The following LONP2 variants were observed in gnomAD, a reference collection of about 807,000 sequenced individuals.
LONP2 encodes the protein lon peptidase 2, peroxisomal, also known as lon protease homolog 2, peroxisomal.
In LONP2, 60 loss-of-function variants were observed where a neutral mutation model predicts 85.6. The observed-to-expected ratio is 0.70, with a 90% CI of 0.57 to 0.87. The LOEUF (loss-of-function observed/expected upper bound fraction) is 0.87, where lower values mean the gene tolerates loss of function less well. Among genes scored for constraint, LONP2 ranks in the 40% least tolerant of loss-of-function variants. The pLI, the probability that LONP2 is intolerant of heterozygous loss-of-function variation, is 0.00. For synonymous variants in LONP2, 395 were observed against 389.7 expected, an observed-to-expected ratio of 1.01 and a Z score of -0.16; for missense variants, 860 against 1,063.5, an observed-to-expected ratio of 0.81 and a Z score of 2.66.
chr16:48,251,702 A>G (rs985018051), intron 1 of LONP2, among the ~76,000 whole-genome samples: 3 of 152,204 alleles, frequency 2.0e-5, no homozygotes, highest in Non-Finnish European at 4.4e-5. Flanking sequence ...TAGTAGCACA[A>G]CTGGTGTTGG....
intron 12 of LONP2, among the ~76,000 whole-genome samples, chr16:48,341,616 TTG>T (rs1194777132): frequency 6.6e-6 from 1 of 152,144 alleles, no homozygotes; most frequent in Non-Finnish European, 1.5e-5. Flanking sequence ...AACATGAGAT[TTG>T]GTGGAGACAC....
At chr16:48,334,699 A>G in intron 12 of LONP2, 1 of 562,618 alleles carries the variant, frequency 1.8e-6, no homozygotes. Flanking sequence ...GTGTGTGGCC[A>G]TCCTTCAGCT....
In LONP2 at chr16:48,362,387, C is replaced by G. The variant is rs764333936; in HGVS notation, c.*524C>G. The G allele has an allele frequency of 6.2e-6, 10 of 1,613,994 alleles. No individual in the cohort carries two copies. Among genetic ancestry groups the G allele is most frequent in the South Asian group, 1.1e-5 (1 of 91,080 alleles). On this transcript the variant is annotated 3_prime_UTR_variant, in exon 5 of 5. Transcript: ENST00000565867. The surrounding 1 kb of genome is among the most constrained non-coding windows in gnomAD (Gnocchi z 4.2). ...GCACCCTCTGGGATGGTGGACACTTCGAGGTACCGGTAGGTAATGCTGTAG... is the reference window on the plus strand; with the variant it reads ...GCACCCTCTGGGATGGTGGACACTTGGAGGTACCGGTAGGTAATGCTGTAG...
Position 48,244,333 on chromosome 16 carries a change from G to C in LONP2, c.-56G>C, listed in dbSNP as rs1349897748. The C allele has an allele frequency of 1.6e-5, 21 of 1,315,726 alleles. No individual in the cohort carries two copies. In the East Asian group the frequency reaches 6.1e-4, roughly 38 times the overall value. The allele number at this position is 1,315,726 out of a possible 1,614,324, so 81.5% of individuals were successfully genotyped here. On this transcript the variant is annotated 5_prime_UTR_variant, in exon 1 of 15. Transcript: ENST00000285737. ...GGTTTGGTGACTGCGGGGCAGGCCG[G>C]GGGCAGCTGTCTGTCTGGCTCTTTT... is the stretch of plus-strand genomic sequence containing the variant.
intron 5 of LONP2, among the ~76,000 whole-genome samples, chr16:48,261,873 C>T (rs997220711): frequency 6.6e-6 from 1 of 152,110 alleles, no homozygotes; most frequent in African/African-American, 2.4e-5. Context: ...CTGTCCATTT[C>T]TCTTTGTACA....
intron 14 of LONP2, among the ~76,000 whole-genome samples, chr16:48,350,123 C>T (rs558337633): frequency 1.3e-5 from 2 of 152,154 alleles, no homozygotes; most frequent in Admixed American, 6.5e-5. Flanking sequence ...TGGTGGCTCA[C>T]GCCTGTAACT....
intron 4 of LONP2, among the ~76,000 whole-genome samples, chr16:48,259,666 C>T (rs1349727717): frequency 1.3e-5 from 2 of 152,272 alleles, no homozygotes; most frequent in East Asian, 1.9e-4. Flanking sequence ...AACTCCTCCC[C>T]GGTGGGACTA....
At chr16:48,310,328 T>C (rs918025257) in intron 11 of LONP2, among the ~76,000 whole-genome samples, 12 of 152,010 alleles carry the variant, frequency 7.9e-5, no homozygotes, top group Admixed American at 3.9e-4. Flanking sequence ...TGTTAATTGC[T>C]ATCTAGTTGC....
At chr16:48,261,708 T>G in intron 5 of LONP2, 121 bp downstream of exon 5, 2 of 681,112 alleles carry the variant, frequency 2.9e-6, no homozygotes, top group Non-Finnish European at 4.5e-6. Flanking sequence ...CCACCTGCAG[T>G]GTGCTGTCAG....
chr16:48,319,897 T>G (rs1330030946), intron 11 of LONP2, among the ~76,000 whole-genome samples: 1 of 151,888 alleles, frequency 6.6e-6, no homozygotes, highest in Non-Finnish European at 1.5e-5. Flanking sequence ...GCGTGGTGGC[T>G]CACGCCTTTA....
At chr16:48,348,363 G>C in intron 14 of LONP2, 73 bp downstream of exon 14, 1 of 993,716 alleles carries the variant, frequency 1.0e-6, no homozygotes, top group Non-Finnish European at 1.3e-6. Flanking sequence ...TTTTAAATAC[G>C]GGTTTGCCTT....
Position 48,325,755 on chromosome 16 carries a change from C to T in LONP2, c.1796-8461C>T, listed in dbSNP as rs1217290298. Among the ~76,000 whole-genome samples, 6 of 152,282 alleles carry T rather than the reference C, an allele frequency of 3.9e-5. No individual in the cohort carries two copies. In the South Asian group the frequency reaches 1.2e-3, roughly 32 times the overall value. The stretch of plus-strand genomic sequence containing the variant: ...AGATACCCCTTTGACATATTCATTT[C>T]CTTTGGATAAATGCCCATTTGTGGG... On this transcript the variant is annotated intron_variant, in intron 11 of 14. Transcript: ENST00000285737.
chr16:48,351,753 G>A lies in LONP2; in HGVS notation c.2510G>A (p.Gly837Asp). The stretch of plus-strand genomic sequence containing the variant: ...GAGGTTCTTAATGCAGCTTTTGATG[G>A]TGGCTTTACTGTCAAGACCAGACCT... ...LDEVLNAAFD[G>D]GFTVKTRPGL... is the part of the protein sequence containing the mutation. The change falls in exon 15 of 15, where the codon GGT becomes GAT. Residue 837 changes from glycine (G) to aspartate (D), a missense_variant. This residue lies in a region of LONP2 where 115 missense variants were observed against 129.0 expected (regional missense o/e 0.89). Coordinates refer to ENST00000285737, the MANE Select transcript of LONP2 (RefSeq NM_031490.5). 5.0e-6 allele frequency: 8 copies of A among 1,614,186 alleles called. No homozygotes were observed. The highest frequency in any genetic ancestry group is 5.9e-6 in the Non-Finnish European group (7 of 1,180,034).
chr16:48,314,269 T>C (rs1973095847), intron 11 of LONP2, among the ~76,000 whole-genome samples: 1 of 152,168 alleles, frequency 6.6e-6, no homozygotes, highest in African/African-American at 2.4e-5. Flanking sequence ...TTCACTCTGA[T>C]GATACTTTCT....
intron 7 of LONP2, among the ~76,000 whole-genome samples, chr16:48,272,255 A>G (rs1972120694): frequency 6.6e-6 from 1 of 152,156 alleles, no homozygotes; most frequent in Non-Finnish European, 1.5e-5. Flanking sequence ...ATAAATTTCA[A>G]TCTGATTTTT....
At chr16:48,248,843 C>T (rs754268423) in intron 1 of LONP2, among the ~76,000 whole-genome samples, 3 of 148,772 alleles carry the variant, frequency 2.0e-5, no homozygotes, top group Non-Finnish European at 4.4e-5. Flanking sequence ...AATCGTACCA[C>T]TGCACTCCAG....
intron 5 of LONP2, 144 bp from the exon 6 acceptor site, chr16:48,262,634 A>G (rs1971901804): frequency 1.8e-6 from 1 of 541,362 alleles, no homozygotes; most frequent in African/African-American, 2.0e-5. Context: ...TAAACGTTTT[A>G]TTATCTGGAT....
chr16:48,334,276 T>C lies in LONP2; in HGVS notation c.1856T>C (p.Leu619Ser). 3 of 1,614,160 alleles carry C rather than the reference T, an allele frequency of 1.9e-6. No individual in the cohort carries two copies. The highest frequency in any genetic ancestry group is 2.5e-6 in the Non-Finnish European group (3 of 1,179,952). The change falls in exon 12 of 15, where the codon TTG becomes TCG. Residue 619 changes from leucine to serine, a missense_variant. This residue lies in a region of LONP2 where 743 missense variants were observed against 917.3 expected (regional missense o/e 0.81). Coordinates refer to ENST00000285737, the MANE Select transcript of LONP2 (RefSeq NM_031490.5). ...KPESISDTTD[L>S]ALPPEMPILI... Reference sequence around the variant, plus strand: ...GAATCTATCAGTGACACTACTGACTTGGCTCTACCACCTGAAATGCCGATT... The same window carrying C: ...GAATCTATCAGTGACACTACTGACTCGGCTCTACCACCTGAAATGCCGATT...
intron 12 of LONP2, chr16:48,344,917 T>C (rs2151031418): frequency 6.6e-6 from 1 of 152,356 alleles, no homozygotes. Context: ...AGACTCTGTC[T>C]CAAAACAAAC....
Sources: allele counts gnomAD v4.1 joint callset (sites outside exome capture counted in the v4.1 genomes callset), GRCh38; gene constraint gnomAD v4.1.1; regional missense constraint gnomAD v4.1.1; non-coding constraint Gnocchi (gnomAD v3.1); transcripts MANE v1.5; gene names NCBI Gene and HGNC (gene_info 2026-07-23, HGNC 2026-07-21).